Variants in GATAD2B observed in about 807,000 individuals in gnomAD.
GATAD2B encodes GATA zinc finger domain containing 2B.
A neutral mutation model predicts 64.3 loss-of-function variants in GATAD2B; 8 were observed. The observed-to-expected ratio is 0.12, with a 90% CI of 0.07 to 0.22. The LOEUF (loss-of-function observed/expected upper bound fraction) is 0.22. Ranked by LOEUF, GATAD2B falls within the 10% of genes least tolerant of loss-of-function variation. GATAD2B has a pLI of 1.00. For missense variants in GATAD2B, 453 were observed against 752.0 expected (o/e 0.60, Z 4.65); for synonymous variants, 281 against 271.3 (o/e 1.04, Z -0.35).
At chr1:153,879,570 T>A (rs1157358413) in intron 1 of GATAD2B, among the ~76,000 whole-genome samples, 1 of 151,830 alleles carries the variant, frequency 6.6e-6, no homozygotes, top group Admixed American at 6.6e-5. Context: ...GAGACCATCC[T>A]GGCCAACATG....
chr1:153,918,524 C>A (rs775223813), intron 1 of GATAD2B, among the ~76,000 whole-genome samples: 3 of 152,350 alleles, frequency 2.0e-5, no homozygotes, highest in Non-Finnish European at 4.4e-5. Context: ...ATCCTACTAA[C>A]ATTCCAGCAT....
intron 1 of GATAD2B, among the ~76,000 whole-genome samples, chr1:153,883,878 G>A (rs1241369708): frequency 6.6e-6 from 1 of 152,112 alleles, no homozygotes; most frequent in Non-Finnish European, 1.5e-5. Flanking sequence ...GTAGTCCAGA[G>A]GTACCTTCAG....
At chr1:153,872,882 C>A (rs1676713650) in intron 1 of GATAD2B, among the ~76,000 whole-genome samples, 1 of 152,062 alleles carries the variant, frequency 6.6e-6, no homozygotes, top group Non-Finnish European at 1.5e-5. Flanking sequence ...CCCATTTTAT[C>A]ACACAAAATA....
chr1:153,854,719 T>C (rs539020613), intron 1 of GATAD2B, among the ~76,000 whole-genome samples: 2 of 152,320 alleles, frequency 1.3e-5, no homozygotes, highest in Admixed American at 6.5e-5. Flanking sequence ...GTCTGGAAAT[T>C]TAACATTTAT....
intron 1 of GATAD2B, among the ~76,000 whole-genome samples, chr1:153,865,343 C>T (rs1359268319): frequency 6.6e-6 from 1 of 151,954 alleles, no homozygotes; most frequent in Non-Finnish European, 1.5e-5. Flanking sequence ...TGCCTGTAGT[C>T]CCACCTACTT....
intron 1 of GATAD2B, among the ~76,000 whole-genome samples, chr1:153,906,624 C>T (rs1677945665): frequency 1.3e-5 from 2 of 151,654 alleles, no homozygotes; most frequent in Admixed American, 1.3e-4. Flanking sequence ...ACCAAAAGCA[C>T]AGGCAAAAAA....
chr1:153,818,596 G>C (rs544682674), intron 4 of GATAD2B, among the ~76,000 whole-genome samples, 195 bp downstream of exon 4: 3 of 151,970 alleles, frequency 2.0e-5, no homozygotes, highest in Non-Finnish European at 4.4e-5. Context: ...TTACAGGCGT[G>C]AGCCACCGCA....
At chr1:153,885,522 G>A (rs1677151426) in intron 1 of GATAD2B, among the ~76,000 whole-genome samples, 2 of 151,986 alleles carry the variant, frequency 1.3e-5, no homozygotes, top group African/African-American at 4.8e-5. Flanking sequence ...AGGAGTTCGA[G>A]ACCAGCCTGG....
intron 1 of GATAD2B, among the ~76,000 whole-genome samples, chr1:153,837,022 ACT>A: frequency 1.3e-5 from 2 of 152,154 alleles, no homozygotes; most frequent in Non-Finnish European, 2.9e-5. Context: ...ATCCACGGCT[ACT>A]CTTTGTCTTT....
intron 1 of GATAD2B, chr1:153,889,621 A>G: frequency 2.2e-6 from 1 of 447,734 alleles, no homozygotes; most frequent in Non-Finnish European, 3.0e-6. Context: ...ATAAAAGGAA[A>G]CAGCTGGCAA....
intron 1 of GATAD2B, chr1:153,852,535 T>C: frequency 1.3e-6 from 1 of 767,702 alleles, no homozygotes; most frequent in African/African-American, 1.7e-5. Context: ...TCGTATCCAA[T>C]ATTCCTTTTC....
intron 1 of GATAD2B, among the ~76,000 whole-genome samples, chr1:153,878,556 G>A (rs1398019031): frequency 6.6e-6 from 1 of 152,098 alleles, no homozygotes; most frequent in African/African-American, 2.4e-5. Flanking sequence ...GGCAAGAAGA[G>A]AAATTTACAG....
At position 153,815,989 on chromosome 1, in the gene GATAD2B, G is replaced by A. The variant is rs192573673; in HGVS notation, c.1216+284C>T. ...AATTGCTTGAACTCAGGAGGCAGAG[G>A]TTGCAGTGAACTGAGATTGTGCCAC... On this transcript the variant is annotated intron_variant, in intron 7 of 10. Coordinates refer to ENST00000368655, the MANE Select transcript of GATAD2B (RefSeq NM_020699.4). Among the ~76,000 whole-genome samples, 7 of 151,654 alleles carry A rather than the reference G, an allele frequency of 4.6e-5. No individual in the cohort carries two copies. The East Asian group carries it at 1.4e-3, about 30-fold the overall frequency.
intron 2 of GATAD2B, among the ~76,000 whole-genome samples, chr1:153,825,652 C>T (rs4391701): frequency 0.27 from 41,130 of 152,026 alleles, 6,118 homozygotes; most frequent in Admixed American, 0.38. Context: ...TCTCAAACTC[C>T]TGACCTCAGG....
At chr1:153,911,413 C>A (rs1678105091) in intron 1 of GATAD2B, among the ~76,000 whole-genome samples, 1 of 152,116 alleles carries the variant, frequency 6.6e-6, no homozygotes, top group African/African-American at 2.4e-5. Context: ...AGCAGTGCAT[C>A]AACAAAATTA....
chr1:153,896,467 G>A (rs191110556), intron 1 of GATAD2B, among the ~76,000 whole-genome samples: 2,886 of 134,282 alleles, frequency 0.021, 104 homozygotes, highest in African/African-American at 0.077. Context: ...ATGGAGTTTC[G>A]CTCTTGTTGC....
intron 1 of GATAD2B, among the ~76,000 whole-genome samples, chr1:153,880,678 A>C (rs558481633): frequency 1.4e-4 from 21 of 151,900 alleles, no homozygotes; most frequent in African/African-American, 5.1e-4. Context: ...ACCAAATTTC[A>C]ATAAAAAATA....
At chr1:153,868,208 A>C (rs1008034893) in intron 1 of GATAD2B, among the ~76,000 whole-genome samples, 1 of 152,188 alleles carries the variant, frequency 6.6e-6, no homozygotes, top group African/African-American at 2.4e-5. Context: ...ATCTCAAAAA[A>C]AAATAAATAA....
chr1:153,853,436 A>G (rs1266320301), intron 1 of GATAD2B: 1 of 615,248 alleles, frequency 1.6e-6, no homozygotes, highest in African/African-American at 1.8e-5. Flanking sequence ...GAAATAAATC[A>G]ACGGACGGCA....
Sources: allele counts gnomAD v4.1 joint callset (sites outside exome capture counted in the v4.1 genomes callset), GRCh38; gene constraint gnomAD v4.1.1; transcripts MANE v1.5; gene names NCBI Gene and HGNC (gene_info 2026-07-23, HGNC 2026-07-21).